Variants in GNG7 observed in about 807,000 individuals in gnomAD.
GNG7 encodes G protein subunit gamma 7, also known as guanine nucleotide-binding protein G(I)/G(S)/G(O) subunit gamma-7.
A neutral mutation model predicts 4.0 loss-of-function variants in GNG7; 1 was observed. The observed-to-expected ratio is 0.25, with a 90% CI of 0.09 to 1.18. GNG7 has a LOEUF of 1.18. Among genes scored for constraint, GNG7 ranks in the 50% most tolerant of loss-of-function variants. GNG7 has a pLI of 0.50. For synonymous variants in GNG7, 34 were observed against 36.9 expected, an observed-to-expected ratio of 0.92 and a Z score of 0.29; for missense variants, 86 against 91.9, an observed-to-expected ratio of 0.94 and a Z score of 0.26.
At position 2,611,912 on chromosome 19, in the gene GNG7, T is replaced by C. The variant is rs1981579196; in HGVS notation, c.-78+34312A>G. ...TTTTTTGAGATGGAGTCTCGCTCTGTCACCAGGCTGAAGTGCAGTAGTGTG... is the reference window on the plus strand; with the variant it reads ...TTTTTTGAGATGGAGTCTCGCTCTGCCACCAGGCTGAAGTGCAGTAGTGTG... On this transcript the variant is annotated intron_variant, in intron 2 of 4. Coordinates refer to ENST00000382159, the MANE Select transcript of GNG7 (RefSeq NM_052847.3). The surrounding 1 kb of genome is among the most constrained non-coding windows in gnomAD (Gnocchi z 6.0). 6.6e-6 allele frequency: 1 copy of C among 151,848 alleles called. No individual in the cohort carries two copies. 9.4% of individuals were successfully genotyped at this position (151,848 alleles called of 1,614,324 possible).
chr19:2,602,425 G>C (rs771080159), intron 2 of GNG7, among the ~76,000 whole-genome samples: 2 of 152,148 alleles, frequency 1.3e-5, no homozygotes, highest in Non-Finnish European at 2.9e-5. Context: ...ACCCCCTCCT[G>C]CACGCTTTTA....
At chr19:2,586,405 G>A (rs1056755484) in intron 2 of GNG7, among the ~76,000 whole-genome samples, 1 of 152,178 alleles carries the variant, frequency 6.6e-6, no homozygotes, top group Non-Finnish European at 1.5e-5. Flanking sequence ...AATTCAAAGC[G>A]AGGGCCGCAA....
intron 3 of GNG7, among the ~76,000 whole-genome samples, 187 bp downstream of exon 3, chr19:2,554,962 G>T (rs765248501): frequency 6.6e-6 from 1 of 152,116 alleles, no homozygotes; most frequent in Non-Finnish European, 1.5e-5. Flanking sequence ...ACCCAAACGG[G>T]GCAGAGCTGG....
At chr19:2,678,145 C>T (rs1432397874) in intron 1 of GNG7, among the ~76,000 whole-genome samples, 1 of 152,132 alleles carries the variant, frequency 6.6e-6, no homozygotes, top group Non-Finnish European at 1.5e-5. Flanking sequence ...CCACTGTGGC[C>T]CTGAGTGGAA....
chr19:2,635,607 G>A (rs1401358715), intron 2 of GNG7, among the ~76,000 whole-genome samples: 1 of 147,220 alleles, frequency 6.8e-6, no homozygotes, highest in Non-Finnish European at 1.5e-5. Flanking sequence ...TTTTGAGACG[G>A]AGTCTCGCTG....
chr19:2,648,792 C>T (rs1432872046), intron 1 of GNG7, among the ~76,000 whole-genome samples: 4 of 151,810 alleles, frequency 2.6e-5, no homozygotes, highest in East Asian at 1.9e-4. Flanking sequence ...GGCATGCCCA[C>T]GGGGCTGCAG....
chr19:2,579,441 G>A (rs1269584811), intron 2 of GNG7, among the ~76,000 whole-genome samples: 1 of 152,240 alleles, frequency 6.6e-6, no homozygotes, highest in African/African-American at 2.4e-5. Context: ...GAAGATAGCA[G>A]AGTCAACAGG....
At chr19:2,525,731 G>T (rs1270406111) in intron 3 of GNG7, among the ~76,000 whole-genome samples, 2 of 152,108 alleles carry the variant, frequency 1.3e-5, no homozygotes, top group African/African-American at 4.8e-5. Context: ...AAAATGAAAA[G>T]AAATAAAAAT....
chr19:2,655,581 G>A (rs1026468388), intron 1 of GNG7, among the ~76,000 whole-genome samples: 4 of 151,954 alleles, frequency 2.6e-5, no homozygotes, highest in Non-Finnish European at 5.9e-5. Flanking sequence ...GCTCATGCCT[G>A]TAATCTTAGC....
At chr19:2,547,595 A>G (rs1463413352) in intron 3 of GNG7, among the ~76,000 whole-genome samples, 1 of 151,856 alleles carries the variant, frequency 6.6e-6, no homozygotes. Flanking sequence ...CCCTTTTTCC[A>G]TGTGTGGTGA....
chr19:2,657,773 C>T (rs1409658377), intron 1 of GNG7, among the ~76,000 whole-genome samples: 1 of 152,128 alleles, frequency 6.6e-6, no homozygotes, highest in Non-Finnish European at 1.5e-5. Flanking sequence ...GGGCAGCAGG[C>T]AACCTAGGTA....
intron 2 of GNG7, among the ~76,000 whole-genome samples, chr19:2,569,182 C>T (rs781427074): frequency 9.2e-5 from 14 of 152,194 alleles, no homozygotes; most frequent in Non-Finnish European, 1.9e-4. Flanking sequence ...CATGAGGCAC[C>T]TGCTGGGGAT....
chr19:2,594,444 AAGG>A (rs1555696470), intron 2 of GNG7, among the ~76,000 whole-genome samples: 2,072 of 133,562 alleles, frequency 0.016, 42 homozygotes, highest in African/African-American at 0.038. Context: ...GGAAGGAAGG[AAGG>A]AGGAAGAAAG....
Position 2,513,480 on chromosome 19 carries a change from G to A in GNG7, c.*1542C>T. The A allele has an allele frequency of 3.1e-6, 3 of 982,062 alleles. No homozygotes were observed. The highest frequency in any genetic ancestry group is 2.4e-6 in the Non-Finnish European group (2 of 826,816). 60.8% of individuals were successfully genotyped at this position (982,062 alleles called of 1,614,324 possible). A position where few individuals can be genotyped will look rare whatever the true frequency, so the allele number is the denominator to read the frequency against. On this transcript the variant is annotated 3_prime_UTR_variant, in exon 5 of 5. Coordinates refer to ENST00000382159, the MANE Select transcript of GNG7 (RefSeq NM_052847.3). ...TGTGGCTGCACCTGCTCCCGTCCGT[G>A]CCGCAGAGGAGGACGCAGTCATCTT...
At chr19:2,565,595 A>G (rs1979881382) in intron 2 of GNG7, among the ~76,000 whole-genome samples, 1 of 152,076 alleles carries the variant, frequency 6.6e-6, no homozygotes, top group Non-Finnish European at 1.5e-5. Context: ...AATCCATGAG[A>G]ACTGCAGAAA....
At chr19:2,569,319 A>G (rs964303538) in intron 2 of GNG7, among the ~76,000 whole-genome samples, 3 of 151,840 alleles carry the variant, frequency 2.0e-5, no homozygotes, top group Admixed American at 2.0e-4. Flanking sequence ...TCTGTCGCCC[A>G]GGCTGGAGTG....
intron 4 of GNG7, 133 bp from the exon 5 acceptor site, chr19:2,515,280 C>T: frequency 2.9e-6 from 3 of 1,039,124 alleles, no homozygotes; most frequent in Admixed American, 2.5e-5. Context: ...CGTGGGCAAA[C>T]AGTGCGGCCC....
At chr19:2,680,984 A>C (rs1460505161) in intron 1 of GNG7, among the ~76,000 whole-genome samples, 5 of 151,884 alleles carry the variant, frequency 3.3e-5, no homozygotes, top group East Asian at 3.9e-4. Flanking sequence ...TAGCCATCTT[A>C]CTGGGCGTGA....
intron 2 of GNG7, among the ~76,000 whole-genome samples, chr19:2,581,447 G>C (rs546660349): frequency 2.6e-5 from 4 of 152,238 alleles, no homozygotes; most frequent in South Asian, 4.1e-4. Flanking sequence ...CAAACCACAG[G>C]GGGGTGAGAA....
Sources: allele counts gnomAD v4.1 joint callset (sites outside exome capture counted in the v4.1 genomes callset), GRCh38; gene constraint gnomAD v4.1.1; non-coding constraint Gnocchi (gnomAD v3.1); transcripts MANE v1.5; gene names NCBI Gene and HGNC (gene_info 2026-07-23, HGNC 2026-07-21).